GPC5: variants seen among roughly 807,000 people sequenced by gnomAD.
GPC5 encodes glypican-5.
Under a neutral mutation model 53.9 loss-of-function variants are expected in GPC5, and 47 were observed. The observed-to-expected ratio is 0.87, with a 90% CI of 0.69 to 1.11. GPC5 has a LOEUF of 1.11. Among genes scored for constraint, GPC5 ranks in the 50% most tolerant of loss-of-function variants. The pLI, the probability that GPC5 is intolerant of heterozygous loss-of-function variation, is 0.00. For synonymous variants in GPC5, 286 were observed against 263.3 expected, an observed-to-expected ratio of 1.09 and a Z score of -0.84; for missense variants, 748 against 713.1, an observed-to-expected ratio of 1.05 and a Z score of -0.56.
At chr13:92,817,288 TCTG>T (rs1184161698) in intron 7 of GPC5, among the ~76,000 whole-genome samples, 3 of 152,026 alleles carry the variant, frequency 2.0e-5, no homozygotes, top group African/African-American at 7.3e-5. Context: ...AATCTACAAT[TCTG>T]CAGCAGGAAA....
chr13:92,107,745 G>A (rs1342656452), intron 6 of GPC5, among the ~76,000 whole-genome samples: 1 of 152,054 alleles, frequency 6.6e-6, no homozygotes, highest in African/African-American at 2.4e-5. Context: ...TAGAGATAAA[G>A]GCACTGTACA....
At chr13:91,812,863 C>A (rs1311081892) in intron 5 of GPC5, among the ~76,000 whole-genome samples, 1 of 152,168 alleles carries the variant, frequency 6.6e-6, no homozygotes, top group Non-Finnish European at 1.5e-5. Context: ...CTCGCTTTTT[C>A]TACCCTCTGA....
intron 7 of GPC5, among the ~76,000 whole-genome samples, chr13:92,677,860 A>T (rs1468833307): frequency 1.3e-5 from 2 of 152,158 alleles, no homozygotes; most frequent in African/African-American, 4.8e-5. Context: ...TGTCCCAGCT[A>T]ATCTTCACTA....
intron 6 of GPC5, among the ~76,000 whole-genome samples, chr13:91,976,521 T>C (rs758103077): frequency 6.6e-6 from 1 of 152,018 alleles, no homozygotes; most frequent in Non-Finnish European, 1.5e-5. Context: ...AGAGAAGGAA[T>C]GTAACTAAGC....
chr13:92,178,088 G>C (rs1033779139), intron 7 of GPC5, among the ~76,000 whole-genome samples: 8 of 152,162 alleles, frequency 5.3e-5, no homozygotes, highest in African/African-American at 9.7e-5. Flanking sequence ...CCTGATACGA[G>C]TTAGGCTCAA....
At chr13:91,999,400 A>T (rs2040534848) in intron 6 of GPC5, among the ~76,000 whole-genome samples, 1 of 152,142 alleles carries the variant, frequency 6.6e-6, no homozygotes, top group South Asian at 2.1e-4. Flanking sequence ...AGGATGGATA[A>T]ATAGAAATAT....
chr13:92,805,905 A>AAATG (rs772444757), intron 7 of GPC5, among the ~76,000 whole-genome samples: 6 of 152,016 alleles, frequency 3.9e-5, no homozygotes, highest in Non-Finnish European at 8.8e-5. Context: ...TTGGAATGGT[A>AAATG]AATGAGCTTT....
At chr13:92,466,033 C>G (rs144595048) in intron 7 of GPC5, among the ~76,000 whole-genome samples, 2 of 152,006 alleles carry the variant, frequency 1.3e-5, no homozygotes, top group East Asian at 3.9e-4. Flanking sequence ...TTCAAAATTG[C>G]TAGAAGAGGA....
At chr13:92,136,246 C>T in intron 6 of GPC5, among the ~76,000 whole-genome samples, 1 of 152,064 alleles carries the variant, frequency 6.6e-6, no homozygotes, top group East Asian at 1.9e-4. Flanking sequence ...TTGTTGCTTT[C>T]CTATTTCATA....
At chr13:91,849,343 C>T (rs1754872319) in intron 5 of GPC5, among the ~76,000 whole-genome samples, 1 of 152,158 alleles carries the variant, frequency 6.6e-6, no homozygotes, top group African/African-American at 2.4e-5. Flanking sequence ...AGAGGCACTG[C>T]CCTCCCTCAC....
chr13:91,820,310 G>T (rs1296112724), intron 5 of GPC5, among the ~76,000 whole-genome samples: 2 of 151,882 alleles, frequency 1.3e-5, no homozygotes, highest in South Asian at 2.1e-4. Flanking sequence ...CTTTACCCTA[G>T]GAAATAAAAA....
chr13:92,652,771 A>G (rs1052794861), intron 7 of GPC5, among the ~76,000 whole-genome samples: 1 of 152,324 alleles, frequency 6.6e-6, no homozygotes, highest in Admixed American at 6.5e-5. Context: ...CAAAGATGCA[A>G]TCCCTTATCA....
At chr13:91,925,764 AAG>A (rs1238938843) in intron 6 of GPC5, among the ~76,000 whole-genome samples, 1 of 152,170 alleles carries the variant, frequency 6.6e-6, no homozygotes, top group Non-Finnish European at 1.5e-5. Flanking sequence ...AAAAAGGAAA[AAG>A]AGGAATCCCC....
intron 6 of GPC5, among the ~76,000 whole-genome samples, chr13:91,911,173 T>C (rs2039606349): frequency 6.6e-6 from 1 of 152,136 alleles, no homozygotes; most frequent in Non-Finnish European, 1.5e-5. Context: ...ACATACCTCA[T>C]GTTTTGGGGA....
At chr13:92,543,699 T>C (rs958081739) in intron 7 of GPC5, among the ~76,000 whole-genome samples, 2 of 152,110 alleles carry the variant, frequency 1.3e-5, no homozygotes, top group Admixed American at 1.3e-4. Flanking sequence ...GCTGTGAATA[T>C]AGCTATATTA....
intron 6 of GPC5, among the ~76,000 whole-genome samples, chr13:92,040,633 C>T (rs977166589): frequency 1.3e-5 from 2 of 152,158 alleles, no homozygotes; most frequent in East Asian, 3.9e-4. Context: ...ACAATTTCCA[C>T]TTTGCAAACA....
chr13:91,437,584 A>G (rs9560793), intron 1 of GPC5, among the ~76,000 whole-genome samples: 107,685 of 151,712 alleles, frequency 0.71, 39,695 homozygotes, highest in African/African-American at 0.92. Context: ...TTCCCTTTGC[A>G]GGTAACATTT....
rs547459899 is a variant in GPC5, at chr13:92,141,980, T to C, written c.1402-2850T>C. On this transcript the variant is annotated intron_variant, in intron 6 of 7. Transcript: ENST00000377067. ...CCTCAAGGGCAGCAGCATGGGCCCC[T>C]GCATGCAAGCTCCTCACCCTCACAT... Among the ~76,000 whole-genome samples, 19 of 152,250 alleles carry C rather than the reference T, an allele frequency of 1.2e-4. No homozygotes were observed. In the East Asian group the frequency reaches 1.9e-3, roughly 16 times the overall value.
At chr13:92,187,529 T>A (rs191577305) in intron 7 of GPC5, among the ~76,000 whole-genome samples, 1 of 152,204 alleles carries the variant, frequency 6.6e-6, no homozygotes, top group Non-Finnish European at 1.5e-5. Flanking sequence ...TGGATTCCAA[T>A]GTTCAAGGTA....
Sources: gnomAD v4.1 joint callset for allele counts (sites outside exome capture counted in the v4.1 genomes callset) on GRCh38, gnomAD v4.1.1 for gene constraint, MANE v1.5 for transcripts, NCBI Gene and HGNC (gene_info 2026-07-23, HGNC 2026-07-21) for gene names.